MDN1: variants seen among roughly 807,000 people sequenced by gnomAD.
MDN1 encodes the protein midasin.
A neutral mutation model predicts 669.2 loss-of-function variants in MDN1; 266 were observed. The observed-to-expected ratio is 0.40, with a 90% CI of 0.36 to 0.44. The LOEUF (loss-of-function observed/expected upper bound fraction) is 0.44, where lower values mean the gene tolerates loss of function less well. MDN1 is among the 20% of genes least tolerant of loss of function. The pLI is 1.00. For synonymous variants in MDN1, 2,385 were observed against 2,457.1 expected (o/e 0.97, Z 0.87); for missense variants, 5,940 against 6,754.0 (o/e 0.88, Z 4.22).
intron 19 of MDN1, among the ~76,000 whole-genome samples, chr6:89,756,902 C>T (rs1020754368): frequency 6.2e-5 from 9 of 145,564 alleles, no homozygotes; most frequent in African/African-American, 2.0e-4. Context: ...GCCTGGGCGA[C>T]AGAGGGAGAC....
chr6:89,743,257 GA>G lies in MDN1; in HGVS notation c.4340del (p.Leu1447ProfsTer13), dbSNP rs1237166116. 6.2e-7 allele frequency: 1 copy of G among 1,614,012 alleles called. No homozygotes were observed. Among genetic ancestry groups the G allele is most frequent in the East Asian group, 2.2e-5 (1 of 44,898 alleles). On this transcript the variant is annotated frameshift_variant, in exon 31 of 102. Transcript: ENST00000369393. LOFTEE classifies it high-confidence loss of function. ...NDKEEIDTSR[L>X]FEWHDGPLVQ... ...CCAGAGGCCCATCATGCCACTCAAA[GA>G]GTCTTGATGTGTCAATTTCTTCCTA...
chr6:89,694,895 T>G (rs1415685090), intron 61 of MDN1, among the ~76,000 whole-genome samples: 1 of 152,044 alleles, frequency 6.6e-6, no homozygotes, highest in Non-Finnish European at 1.5e-5. Flanking sequence ...ACCAATAAGT[T>G]AAAAATTCCT....
At position 89,719,185 on chromosome 6, in the gene MDN1, T is replaced by G. The variant is rs147756403; in HGVS notation, c.6008A>C (p.Asn2003Thr). Reference protein sequence around the residue: ...VFKDVFGSNSNPYMGTRLFRI... With the variant: ...VFKDVFGSNSTPYMGTRLFRI... ...AAATAGTCTGGTTCCCATGTATGGG[T>G]TGGAATTTGAACCAAACACATCCTT... is the stretch of plus-strand genomic sequence containing the variant. Residue 2003 changes from asparagine (N) to threonine (T), a missense_variant, in exon 41 of 102, where the codon AAC becomes ACC. By Grantham distance (65) the Asn-to-Thr change is moderately conservative. Coordinates refer to ENST00000369393, the MANE Select transcript of MDN1 (RefSeq NM_014611.3). The G allele has an allele frequency of 1.4e-5, 23 of 1,613,958 alleles. No individual in the cohort carries two copies. The East Asian group carries it at 5.1e-4, about 36-fold the overall frequency.
chr6:89,739,027 T>C (rs1025888956), intron 32 of MDN1, among the ~76,000 whole-genome samples: 1 of 152,258 alleles, frequency 6.6e-6, no homozygotes, highest in Non-Finnish European at 1.5e-5. Context: ...TCACAAATGT[T>C]TGCAATGCCA....
chr6:89,658,440 C>T, intron 89 of MDN1, 70 bp from the exon 90 acceptor site: 4 of 1,591,646 alleles, frequency 2.5e-6, no homozygotes, highest in Non-Finnish European at 3.4e-6. Flanking sequence ...GACCTTGCAA[C>T]AAGCAGGCTT....
Position 89,684,751 on chromosome 6 carries a change from G to A in MDN1, c.11829+125C>T, listed in dbSNP as rs569140428. ...TGTACATATTGCCATCCTCCCTAGCGGTGGCAATGCTCACCTCTATTCCCC... is the reference window on the plus strand; with the variant it reads ...TGTACATATTGCCATCCTCCCTAGCAGTGGCAATGCTCACCTCTATTCCCC... On this transcript the variant is annotated intron_variant, in intron 71 of 101. Coordinates refer to ENST00000369393, the MANE Select transcript of MDN1 (RefSeq NM_014611.3). 8.0e-4 allele frequency: 469 copies of A among 586,248 alleles called. 4 individuals are homozygous for A. The highest frequency in any genetic ancestry group is 6.3e-3 in the South Asian group (265 of 41,994). The allele number at this position is 586,248 out of a possible 1,614,324, so 36.3% of individuals were successfully genotyped here.
chr6:89,748,427 C>T (rs575215106), intron 26 of MDN1, among the ~76,000 whole-genome samples: 1 of 152,216 alleles, frequency 6.6e-6, no homozygotes, highest in South Asian at 2.1e-4. Context: ...TATTAGCTTT[C>T]TAAAAAGAAG....
At chr6:89,708,344 A>T in intron 51 of MDN1, 152 bp downstream of exon 51, 1 of 940,452 alleles carries the variant, frequency 1.1e-6, no homozygotes, top group South Asian at 1.8e-5. Flanking sequence ...AAATATGATT[A>T]TCGTATGATA....
At position 89,692,962 on chromosome 6, in the gene MDN1, T is replaced by A; in HGVS notation, c.10068A>T (p.Ile3356=). 6.2e-7 allele frequency: 1 copy of A among 1,614,092 alleles called. No homozygotes were observed. The highest frequency in any genetic ancestry group is 8.5e-7 in the Non-Finnish European group (1 of 1,179,982). ...LLTRLLQALH[I]DGPRSAQVAQ... is the part of the protein sequence containing the mutation. ...CTACTTGGGCAGACCGTGGCCCATC[T>A]ATGTGGAGGGCCTGCAGAAGCCGTG... Residue 3356 remains isoleucine (I), a synonymous_variant, in exon 63 of 102, where the codon ATA becomes ATT. Transcript: ENST00000369393.
Position 89,753,515 on chromosome 6 carries a change from C to A in MDN1, c.3072G>T (p.Lys1024Asn), listed in dbSNP as rs752217540. 3 of 1,605,942 alleles carry A rather than the reference C, an allele frequency of 1.9e-6. No individual in the cohort carries two copies. The highest frequency in any genetic ancestry group is 2.6e-6 in the Non-Finnish European group (3 of 1,173,112). ...IVPGNVKSLLKQPIPEPKGGR... is the reference protein window; with the variant it reads ...IVPGNVKSLLNQPIPEPKGGR... ...CAAAAATAACAAAAGAACATACCTGCTTCAGCAGACTCTTGACATTGCCAG... is the reference window on the plus strand; with the variant it reads ...CAAAAATAACAAAAGAACATACCTGATTCAGCAGACTCTTGACATTGCCAG... The change falls in exon 22 of 102, where the codon AAG (lysine) becomes AAT (asparagine). Residue 1024 changes from lysine (K) to asparagine (N), a missense_variant. By Grantham distance (94) the Lys-to-Asn change is moderately conservative. Coordinates refer to ENST00000369393, the MANE Select transcript of MDN1 (RefSeq NM_014611.3).
At chr6:89,769,999 G>A (rs915000544) in intron 15 of MDN1, among the ~76,000 whole-genome samples, 3 of 152,142 alleles carry the variant, frequency 2.0e-5, no homozygotes, top group Non-Finnish European at 4.4e-5. Flanking sequence ...TGGGTAGGCC[G>A]AGGCAGGAGG....
chr6:89,743,793 A>G, intron 29 of MDN1, 79 bp from the exon 30 acceptor site: 1 of 1,494,780 alleles, frequency 6.7e-7, no homozygotes, highest in Non-Finnish European at 9.2e-7. Context: ...AGCAAAAGAG[A>G]AGAACCACTG....
chr6:89,785,837 T>C (rs1818925998), intron 8 of MDN1, among the ~76,000 whole-genome samples: 1 of 152,188 alleles, frequency 6.6e-6, no homozygotes, highest in Non-Finnish European at 1.5e-5. Flanking sequence ...AGAACTTCAC[T>C]ATCTCTATAA....
chr6:89,780,694 G>GGAGT (rs1223676411), intron 10 of MDN1, among the ~76,000 whole-genome samples: 6 of 145,150 alleles, frequency 4.1e-5, no homozygotes, highest in Admixed American at 7.1e-5. Context: ...TGCCCAGGCT[G>GGAGT]GAGTGCAGTG....
In MDN1 at chr6:89,747,674, A is replaced by G. The variant is rs189917082; in HGVS notation, c.3763-204T>C. Among the ~76,000 whole-genome samples, 39 of 152,174 alleles carry G rather than the reference A, an allele frequency of 2.6e-4. 1 individual carries two copies. The highest frequency in any genetic ancestry group is 1.9e-3 in the South Asian group (9 of 4,824). On this transcript the variant is annotated intron_variant, in intron 26 of 101. Transcript: ENST00000369393. ...TGGAAGGCCAAGGCGGGCGGATCAC[A>G]AGGTCAGGAAATCGAGACCATCCTG...
At chr6:89,743,920 T>C (rs148686963) in intron 29 of MDN1, among the ~76,000 whole-genome samples, 1 of 151,846 alleles carries the variant, frequency 6.6e-6, no homozygotes, top group African/African-American at 2.4e-5. Flanking sequence ...AGGTATGTAC[T>C]GCACAAACTC....
intron 35 of MDN1, among the ~76,000 whole-genome samples, chr6:89,729,677 GTTTTTTTTT>G (rs35914010): frequency 1.1e-4 from 11 of 100,758 alleles, no homozygotes; most frequent in South Asian, 3.7e-4. Flanking sequence ...TTTTGTTTTC[GTTTTTTTTT>G]TTTTTTTTTT....
At chr6:89,687,721 C>T (rs964394689) in intron 67 of MDN1, among the ~76,000 whole-genome samples, 4 of 152,168 alleles carry the variant, frequency 2.6e-5, no homozygotes, top group Admixed American at 6.5e-5. Flanking sequence ...CAAAGACATG[C>T]GGCCCTTTTC....
chr6:89,745,196 T>G (rs1203777420), intron 29 of MDN1, 77 bp downstream of exon 29: 11 of 1,375,024 alleles, frequency 8.0e-6, no homozygotes, highest in Non-Finnish European at 7.7e-6. Flanking sequence ...AATACTTTCA[T>G]GAGTTCTTCA....
Sources: gnomAD v4.1 joint callset for allele counts (sites outside exome capture counted in the v4.1 genomes callset) on GRCh38, gnomAD v4.1.1 for gene constraint, MANE v1.5 for transcripts, NCBI Gene and HGNC (gene_info 2026-07-23, HGNC 2026-07-21) for gene names.